KAZN: variants seen among roughly 807,000 people sequenced by gnomAD.
KAZN encodes the protein kazrin.
In KAZN, 40 loss-of-function variants were observed where a neutral mutation model predicts 87.4. The ratio of observed to expected loss-of-function variants is 0.46; its 90% CI spans 0.36 to 0.60. KAZN has a LOEUF of 0.60. KAZN is among the 20% of genes least tolerant of loss of function. The probability of loss-of-function intolerance (pLI) is 0.00; values close to 1 mark genes in which losing one functional copy is unlikely to be tolerated. For missense variants in KAZN, 898 were observed against 1,073.9 expected, an observed-to-expected ratio of 0.84 and a Z score of 2.29; for synonymous variants, 466 against 458.3, an observed-to-expected ratio of 1.02 and a Z score of -0.22.
At chr1:14,514,131 T>A (rs1671073352) in intron 2 of KAZN, among the ~76,000 whole-genome samples, 1 of 147,566 alleles carries the variant, frequency 6.8e-6, no homozygotes, top group South Asian at 2.2e-4. Context: ...CCACCCTGGC[T>A]AACACAGTGA....
At chr1:14,386,937 A>G (rs1190661091) in intron 2 of KAZN, among the ~76,000 whole-genome samples, 1 of 152,162 alleles carries the variant, frequency 6.6e-6, no homozygotes, top group African/African-American at 2.4e-5. Context: ...TCTCCCCGTC[A>G]CTTTCAGGTA....
At chr1:14,316,254 G>A (rs1655650457) in intron 2 of KAZN, among the ~76,000 whole-genome samples, 1 of 151,984 alleles carries the variant, frequency 6.6e-6, no homozygotes, top group African/African-American at 2.4e-5. Flanking sequence ...TCAGTTGTAA[G>A]AGTTCTTTAT....
Position 15,021,926 on chromosome 1 carries a change from A to G in KAZN, c.419-12823A>G, listed in dbSNP as rs6659166. ...TCATAATCATGGCGGAAGGCAAAAG[A>G]CACTTCTTACATGGTGGCAGCAAGA... On this transcript the variant is annotated intron_variant, in intron 2 of 14. Transcript: ENST00000376030. The surrounding 1 kb of genome is among the most constrained non-coding windows in gnomAD (Gnocchi z 4.2). Among the ~76,000 whole-genome samples, 117,521 of 152,070 alleles carry G rather than the reference A, an allele frequency of 0.77. 45,614 individuals carry two copies. The highest frequency in any genetic ancestry group is 0.94 in the East Asian group (4,850 of 5,152).
intron 4 of KAZN, among the ~76,000 whole-genome samples, chr1:15,048,166 C>T (rs1233437206): frequency 3.3e-5 from 5 of 152,234 alleles, no homozygotes; most frequent in African/African-American, 1.2e-4. Context: ...GAGGAGCCAA[C>T]TCTGGGCCGC....
At chr1:14,189,312 C>T (rs1003526898) in intron 2 of KAZN, among the ~76,000 whole-genome samples, 1 of 152,104 alleles carries the variant, frequency 6.6e-6, no homozygotes, top group Admixed American at 6.5e-5. Context: ...TGAGTCTGAT[C>T]CCTCTTTTAT....
intron 2 of KAZN, among the ~76,000 whole-genome samples, chr1:14,181,703 C>T (rs543383124): frequency 6.6e-6 from 1 of 152,266 alleles, no homozygotes; most frequent in Non-Finnish European, 1.5e-5. Context: ...TCTCCCCCAG[C>T]CTGTCTGGTG....
chr1:14,895,689 T>C (rs963766442), intron 1 of KAZN, among the ~76,000 whole-genome samples: 4 of 152,312 alleles, frequency 2.6e-5, no homozygotes, highest in South Asian at 2.1e-4. Flanking sequence ...CCCTTCATCA[T>C]AGAGTGACCC....
chr1:14,705,473 T>G (rs1642160841), intron 1 of KAZN, among the ~76,000 whole-genome samples: 3 of 152,318 alleles, frequency 2.0e-5, no homozygotes, highest in South Asian at 2.1e-4. Flanking sequence ...AAGAGACACC[T>G]GCACCCCCAT....
chr1:14,537,032 GTC>G (rs1672542265), intron 2 of KAZN, among the ~76,000 whole-genome samples: 1 of 152,184 alleles, frequency 6.6e-6, no homozygotes, highest in Non-Finnish European at 1.5e-5. Context: ...CTTGTTCTGT[GTC>G]ATAGTCCAGC....
intron 13 of KAZN, among the ~76,000 whole-genome samples, chr1:15,105,649 G>C (rs930117695): frequency 1.3e-4 from 20 of 151,936 alleles, no homozygotes; most frequent in African/African-American, 4.8e-4. Flanking sequence ...ACTCAGGCCT[G>C]AGTCCTAAAC....
At chr1:14,823,500 G>T (rs1317475852) in intron 1 of KAZN, among the ~76,000 whole-genome samples, 1 of 152,092 alleles carries the variant, frequency 6.6e-6, no homozygotes, top group Admixed American at 6.5e-5. Context: ...AAATTTGGGG[G>T]GTCGCTTTGG....
At chr1:14,750,813 A>T (rs746433759) in intron 1 of KAZN, among the ~76,000 whole-genome samples, 1 of 152,102 alleles carries the variant, frequency 6.6e-6, no homozygotes, top group Non-Finnish European at 1.5e-5. Context: ...AAAACACATG[A>T]TTTCAGGGAT....
At chr1:14,708,432 C>T (rs567449315) in intron 1 of KAZN, among the ~76,000 whole-genome samples, 2 of 152,256 alleles carry the variant, frequency 1.3e-5, no homozygotes, top group East Asian at 3.9e-4. Context: ...TTAATTTCAC[C>T]AAAGCACAAA....
chr1:14,496,976 G>A (rs1423336274), intron 2 of KAZN, among the ~76,000 whole-genome samples: 1 of 152,116 alleles, frequency 6.6e-6, no homozygotes, highest in Non-Finnish European at 1.5e-5. Context: ...ACTGAGAAAT[G>A]GATCTTTACC....
chr1:14,217,184 A>G (rs78935362), intron 2 of KAZN, among the ~76,000 whole-genome samples: 233 of 152,272 alleles, frequency 1.5e-3, no homozygotes, highest in Admixed American at 3.7e-3. Context: ...TGACAACTTG[A>G]TATTGGACTT....
intron 1 of KAZN, among the ~76,000 whole-genome samples, chr1:14,054,589 C>G (rs1448250418): frequency 6.6e-6 from 1 of 152,060 alleles, no homozygotes; most frequent in Non-Finnish European, 1.5e-5. Context: ...AATTCTTGGC[C>G]CAGGCATATT....
chr1:13,939,394 T>G lies in KAZN; in HGVS notation c.91+45638T>G, dbSNP rs772645409. On this transcript the variant is annotated intron_variant, in intron 1 of 16. Coordinates refer to the KAZN transcript ENST00000636203. Reference sequence around the variant, plus strand: ...TAGGGCATGAGCACAATTTCTTTGCTAAGGCATAATAAGAGTGACCTTTGC... The same window carrying G: ...TAGGGCATGAGCACAATTTCTTTGCGAAGGCATAATAAGAGTGACCTTTGC... Among the ~76,000 whole-genome samples, 89 of 152,250 alleles carry G rather than the reference T, an allele frequency of 5.8e-4. 1 individual carries two copies. The highest frequency in any genetic ancestry group is 5.6e-3 in the Admixed American group (86 of 15,292).
Position 14,537,841 on chromosome 1 carries a change from C to A in KAZN, c.250-61142C>A, listed in dbSNP as rs138341657. On this transcript the variant is annotated intron_variant, in intron 2 of 16. Transcript: ENST00000636203. ...AATAGAGGGAAGATGAGTATCTAGC[C>A]CCCTGGTAACCTGATGGAGGCCATG... Among the ~76,000 whole-genome samples the A allele has an allele frequency of 3.2e-3, 492 of 152,244 alleles. 4 individuals carry two copies. The highest frequency in any genetic ancestry group is 0.011 in the African/African-American group (462 of 41,550).
At chr1:14,351,503 G>A (rs1658547567) in intron 2 of KAZN, among the ~76,000 whole-genome samples, 1 of 152,168 alleles carries the variant, frequency 6.6e-6, no homozygotes, top group African/African-American at 2.4e-5. Flanking sequence ...AGGTTGCCGT[G>A]AGCTGAGATT....
Sources: allele counts gnomAD v4.1 joint callset (sites outside exome capture counted in the v4.1 genomes callset), GRCh38; gene constraint gnomAD v4.1.1; non-coding constraint Gnocchi (gnomAD v3.1); transcripts MANE v1.5; gene names NCBI Gene and HGNC (gene_info 2026-07-23, HGNC 2026-07-21).